Variants in TCF12 observed in about 807,000 individuals in gnomAD.
TCF12 encodes the protein DNA-binding protein HTF4.
TCF12 carries 45 observed loss-of-function variants against 86.0 expected under a neutral mutation model. The ratio of observed to expected loss-of-function variants is 0.52; its 90% CI spans 0.41 to 0.67. The LOEUF (loss-of-function observed/expected upper bound fraction) is 0.67. TCF12 is among the 30% of genes least tolerant of loss of function. TCF12 has a pLI of 0.00. For synonymous variants in TCF12, 330 were observed against 299.6 expected (o/e 1.10, Z -1.05); for missense variants, 881 against 859.9 (o/e 1.02, Z -0.31).
In TCF12 at chr15:56,918,736, C is replaced by T. The variant is rs1204522492; in HGVS notation, c.-193C>T. 6.1e-6 allele frequency: 1 copy of T among 164,488 alleles called. No individual in the cohort carries two copies. Among genetic ancestry groups the T allele is most frequent in the Non-Finnish European group, 1.3e-5 (1 of 75,338 alleles). The allele number at this position is 164,488 out of a possible 1,614,324, so 10.2% of individuals were successfully genotyped here. A position where few individuals can be genotyped will look rare whatever the true frequency, so the allele number is the denominator to read the frequency against. On this transcript the variant is annotated 5_prime_UTR_variant, in exon 1 of 21. Transcript: ENST00000333725. ...ATTCGGGGGGACCGACAGCCCGCCCCGGGAGGAAGGGGCGGCCAGGCCCGA... is the reference window on the plus strand; with the variant it reads ...ATTCGGGGGGACCGACAGCCCGCCCTGGGAGGAAGGGGCGGCCAGGCCCGA...
At chr15:57,196,180 G>T (rs12912810) in intron 7 of TCF12, among the ~76,000 whole-genome samples, 65,115 of 151,268 alleles carry the variant, frequency 0.43, 15,534 homozygotes, top group East Asian at 0.63. Context: ...AAAAAAAAAT[G>T]TAATGGGTGA....
At chr15:57,088,156 T>A (rs1430281154) in intron 4 of TCF12, among the ~76,000 whole-genome samples, 1 of 152,208 alleles carries the variant, frequency 6.6e-6, no homozygotes, top group African/African-American at 2.4e-5. Context: ...TTGCTTGGTT[T>A]TTGTTCTTTT....
intron 3 of TCF12, among the ~76,000 whole-genome samples, chr15:56,966,530 T>C (rs1356428758): frequency 1.3e-5 from 2 of 152,194 alleles, no homozygotes; most frequent in African/African-American, 4.8e-5. Flanking sequence ...TGGAGAAGAA[T>C]GCATGAGCTT....
chr15:57,176,614 C>T (rs1197829808), intron 6 of TCF12, among the ~76,000 whole-genome samples: 1 of 152,028 alleles, frequency 6.6e-6, no homozygotes, highest in Non-Finnish European at 1.5e-5. Context: ...AACCTGAAGC[C>T]TCAAGAAGTT....
At chr15:57,260,702 T>G (rs1261190056) in intron 16 of TCF12, among the ~76,000 whole-genome samples, 1 of 152,170 alleles carries the variant, frequency 6.6e-6, no homozygotes, top group Non-Finnish European at 1.5e-5. Context: ...CCAAAGAATT[T>G]GCAGCCGTAT....
intron 18 of TCF12, among the ~76,000 whole-genome samples, chr15:57,270,290 G>A (rs547053648): frequency 5.3e-5 from 8 of 152,060 alleles, no homozygotes; most frequent in Admixed American, 2.0e-4. Flanking sequence ...TTGTCTTCTC[G>A]CATTATTTCA....
At chr15:56,960,294 C>A (rs1311478785) in intron 3 of TCF12, among the ~76,000 whole-genome samples, 1 of 152,038 alleles carries the variant, frequency 6.6e-6, no homozygotes, top group Non-Finnish European at 1.5e-5. Context: ...CAGTAAAGTT[C>A]TATTTTTGTA....
At chr15:56,996,537 C>G (rs917874326) in intron 3 of TCF12, among the ~76,000 whole-genome samples, 2 of 152,022 alleles carry the variant, frequency 1.3e-5, no homozygotes, top group African/African-American at 2.4e-5. Context: ...CTTTACAAAT[C>G]CTGTACGAAA....
chr15:57,016,068 G>T (rs2065136546), intron 3 of TCF12, among the ~76,000 whole-genome samples: 1 of 152,166 alleles, frequency 6.6e-6, no homozygotes, highest in African/African-American at 2.4e-5. Flanking sequence ...TCCTGGAGGG[G>T]CTGACTCATT....
chr15:57,232,983 G>A (rs1188033061), intron 11 of TCF12, 127 bp downstream of exon 11: 3 of 520,268 alleles, frequency 5.8e-6, no homozygotes, highest in Admixed American at 5.2e-5. Flanking sequence ...TGTTATATAT[G>A]TATATGTGTG....
intron 8 of TCF12, among the ~76,000 whole-genome samples, chr15:57,223,643 G>GTTTTTTTTTTGT (rs2058709728): frequency 1.4e-5 from 1 of 69,666 alleles, no homozygotes; most frequent in East Asian, 5.0e-4. Flanking sequence ...TACCAATGAG[G>GTTTTTTTTTTGT]TTTTTTTTTT....
intron 15 of TCF12, among the ~76,000 whole-genome samples, chr15:57,252,845 A>C (rs2060179715): frequency 6.6e-6 from 1 of 152,078 alleles, no homozygotes; most frequent in Non-Finnish European, 1.5e-5. Flanking sequence ...TTAAGACAAA[A>C]TTAAAACTTA....
chr15:56,936,895 A>G (rs1182141712), intron 3 of TCF12, among the ~76,000 whole-genome samples: 1 of 152,192 alleles, frequency 6.6e-6, no homozygotes, highest in South Asian at 2.1e-4. Flanking sequence ...TCTAGTTTGA[A>G]GTCAGGTAAT....
intron 12 of TCF12, among the ~76,000 whole-genome samples, chr15:57,237,012 A>G (rs187775716): frequency 1.3e-5 from 2 of 152,248 alleles, no homozygotes; most frequent in African/African-American, 2.4e-5. Context: ...GCCTAATACC[A>G]TATCAAAACA....
At chr15:56,990,799 C>T (rs367878606) in intron 3 of TCF12, among the ~76,000 whole-genome samples, 1 of 148,342 alleles carries the variant, frequency 6.7e-6, no homozygotes. Flanking sequence ...TTTTCTTTTT[C>T]TTTTTTTTTT....
intron 3 of TCF12, among the ~76,000 whole-genome samples, chr15:56,924,792 G>A (rs1030524995): frequency 1.3e-5 from 2 of 152,180 alleles, no homozygotes; most frequent in African/African-American, 2.4e-5. Flanking sequence ...AAGGTAGCAA[G>A]GGAGTCTTTT....
At chr15:57,107,119 G>C (rs1461423712) in intron 5 of TCF12, among the ~76,000 whole-genome samples, 1 of 152,218 alleles carries the variant, frequency 6.6e-6, no homozygotes, top group Non-Finnish European at 1.5e-5. Context: ...GCACATAGAA[G>C]TTTATAGCAG....
Position 57,282,470 on chromosome 15 carries a change from C to G in TCF12, c.2004C>G (p.Ala668=), listed in dbSNP as rs763885778. 2 of 1,614,190 alleles carry G rather than the reference C, an allele frequency of 1.2e-6. No individual in the cohort carries two copies. The highest frequency in any genetic ancestry group is 1.7e-6 in the Non-Finnish European group (2 of 1,180,048). Residue 668 remains alanine (A), a synonymous_variant, in exon 20 of 21, where the codon GCC becomes GCG. Coordinates refer to ENST00000333725, the MANE Select transcript of TCF12 (RefSeq NM_207037.2). ...VRERNLNPKA[A]CLKRREEEKV... The stretch of plus-strand genomic sequence containing the variant: ...AGAGGAACCTTAACCCCAAAGCAGC[C>G]TGCCTTAAGAGAAGGGAAGAAGAAA...
intron 5 of TCF12, among the ~76,000 whole-genome samples, chr15:57,149,163 G>A (rs1555519204): frequency 6.6e-6 from 1 of 152,188 alleles, no homozygotes; most frequent in Non-Finnish European, 1.5e-5. Context: ...TGCATAGTGA[G>A]AGACAGACCT....
Sources: gnomAD v4.1 joint callset for allele counts (sites outside exome capture counted in the v4.1 genomes callset) on GRCh38, gnomAD v4.1.1 for gene constraint, MANE v1.5 for transcripts, NCBI Gene and HGNC (gene_info 2026-07-23, HGNC 2026-07-21) for gene names.